Variants in DOCK2 observed in about 807,000 individuals in gnomAD.
DOCK2 encodes dedicator of cytokinesis protein 2.
Under a neutral mutation model 248.9 loss-of-function variants are expected in DOCK2, and 87 were observed. The ratio of observed to expected loss-of-function variants is 0.35; its 90% CI spans 0.29 to 0.42. The LOEUF (loss-of-function observed/expected upper bound fraction) is 0.42. DOCK2 is among the 10% of genes least tolerant of loss of function. The pLI is 1.00. For synonymous variants in DOCK2, 805 were observed against 821.6 expected (o/e 0.98, Z 0.35); for missense variants, 1,747 against 2,300.2 (o/e 0.76, Z 4.92).
chr5:169,667,577 T>A (rs1286586609), intron 2 of DOCK2, among the ~76,000 whole-genome samples: 1 of 152,210 alleles, frequency 6.6e-6, no homozygotes, highest in East Asian at 1.9e-4. Context: ...AGGAGGTTGT[T>A]GTAGCACAGC....
chr5:169,766,806 C>T (rs1764821510), intron 25 of DOCK2, among the ~76,000 whole-genome samples: 2 of 152,172 alleles, frequency 1.3e-5, no homozygotes, highest in African/African-American at 4.8e-5. Flanking sequence ...TTGCTCTTGT[C>T]ACCCAGGCTG....
chr5:169,874,086 A>C (rs961214472), intron 27 of DOCK2, among the ~76,000 whole-genome samples: 1 of 151,104 alleles, frequency 6.6e-6, no homozygotes, highest in African/African-American at 2.4e-5. Context: ...CTGGTCCAGA[A>C]GAATTTATGA....
chr5:169,841,937 G>GT (rs1400958986), intron 27 of DOCK2, among the ~76,000 whole-genome samples: 1 of 152,086 alleles, frequency 6.6e-6, no homozygotes, highest in African/African-American at 2.4e-5. Flanking sequence ...CAGTAAATAC[G>GT]TTTGAATGAA....
At chr5:169,715,278 G>A (rs1229536903) in intron 19 of DOCK2, among the ~76,000 whole-genome samples, 1 of 152,182 alleles carries the variant, frequency 6.6e-6, no homozygotes, top group African/African-American at 2.4e-5. Flanking sequence ...TGGAGATCTT[G>A]TTTCCTTGAT....
intron 32 of DOCK2, among the ~76,000 whole-genome samples, chr5:170,013,969 G>A (rs1454304302): frequency 1.3e-5 from 2 of 152,096 alleles, no homozygotes; most frequent in East Asian, 1.9e-4. Flanking sequence ...CTGTAGAATG[G>A]AAACTTGGGG....
chr5:169,673,616 C>T (rs1454918956), intron 5 of DOCK2, among the ~76,000 whole-genome samples: 1 of 152,122 alleles, frequency 6.6e-6, no homozygotes, highest in Non-Finnish European at 1.5e-5. Flanking sequence ...AAACTCCTGG[C>T]CTCAAGCTAT....
rs1241592969 is a variant in DOCK2, at chr5:170,083,275, G to C, written c.*417G>C. ...AATTTTATTTTAGATTAACAGTTTT[G>C]TACTTTACATTTTTTTATACAACCA... is the stretch of plus-strand genomic sequence containing the variant. On this transcript the variant is annotated 3_prime_UTR_variant, in exon 52 of 52. Coordinates refer to ENST00000520908, the MANE Select transcript of DOCK2 (RefSeq NM_004946.3). The C allele has an allele frequency of 6.4e-6, 1 of 156,976 alleles. No individual in the cohort carries two copies. Among genetic ancestry groups the C allele is most frequent in the Non-Finnish European group, 1.4e-5 (1 of 71,304 alleles). 9.7% of individuals were successfully genotyped at this position (156,976 alleles called of 1,614,324 possible).
At chr5:169,904,271 A>C (rs1318379697) in intron 27 of DOCK2, among the ~76,000 whole-genome samples, 1 of 152,070 alleles carries the variant, frequency 6.6e-6, no homozygotes, top group Non-Finnish European at 1.5e-5. Context: ...ACTTGAAAGC[A>C]AGGAGGGCTT....
At chr5:169,998,825 C>T (rs57557195) in intron 30 of DOCK2, among the ~76,000 whole-genome samples, 5,407 of 152,230 alleles carry the variant, frequency 0.036, 319 homozygotes, top group African/African-American at 0.12. Context: ...ATCTTCGACA[C>T]GGGAACAAAG....
At chr5:169,832,172 T>G (rs2113294584) in intron 26 of DOCK2, among the ~76,000 whole-genome samples, 1 of 152,336 alleles carries the variant, frequency 6.6e-6, no homozygotes, top group South Asian at 2.1e-4. Context: ...TTATAAACAG[T>G]TAAATGAGAT....
intron 26 of DOCK2, among the ~76,000 whole-genome samples, chr5:169,834,707 A>G (rs1379798843): frequency 6.6e-6 from 1 of 151,972 alleles, no homozygotes; most frequent in Non-Finnish European, 1.5e-5. Flanking sequence ...TGTCCCAACC[A>G]GATCACCCTG....
At chr5:169,967,655 A>G (rs887381182) in intron 27 of DOCK2, among the ~76,000 whole-genome samples, 2 of 152,166 alleles carry the variant, frequency 1.3e-5, no homozygotes, top group Non-Finnish European at 2.9e-5. Context: ...CATTATAGAG[A>G]GATCACACTC....
At chr5:169,855,925 G>A (rs1355440280) in intron 27 of DOCK2, among the ~76,000 whole-genome samples, 1 of 152,182 alleles carries the variant, frequency 6.6e-6, no homozygotes, top group African/African-American at 2.4e-5. Context: ...TGGCTGGGGA[G>A]GCCTCAGGAA....
chr5:170,070,164 G>A (rs749000392), intron 46 of DOCK2, among the ~76,000 whole-genome samples: 18 of 152,254 alleles, frequency 1.2e-4, no homozygotes, highest in Non-Finnish European at 1.3e-4. Flanking sequence ...GGTGGGCTCC[G>A]GAGGGCAGGA....
intron 27 of DOCK2, among the ~76,000 whole-genome samples, chr5:169,929,926 A>T (rs1468243025): frequency 6.6e-6 from 1 of 152,158 alleles, no homozygotes; most frequent in Non-Finnish European, 1.5e-5. Flanking sequence ...TGCATATTAA[A>T]CATATTAAAC....
At chr5:170,016,015 G>C (rs1021914732) in intron 32 of DOCK2, among the ~76,000 whole-genome samples, 1 of 151,982 alleles carries the variant, frequency 6.6e-6, no homozygotes, top group Admixed American at 6.6e-5. Flanking sequence ...GTCCACTCCT[G>C]GGAGGAGTGA....
intron 9 of DOCK2, among the ~76,000 whole-genome samples, chr5:169,693,898 G>C (rs528502392): frequency 6.6e-6 from 1 of 152,190 alleles, no homozygotes; most frequent in Non-Finnish European, 1.5e-5. Context: ...CAGCTGGTTG[G>C]ATGAGGCCCA....
intron 25 of DOCK2, among the ~76,000 whole-genome samples, chr5:169,765,062 C>T (rs1270208776): frequency 1.8e-5 from 2 of 110,892 alleles, no homozygotes; most frequent in Admixed American, 9.2e-5. Flanking sequence ...CCTCAGGGCT[C>T]TTTTAGCGCA....
rs115284542 is a variant in DOCK2 at position 169,852,848 on chromosome 5, C to T, written c.2799+11996C>T. Among the ~76,000 whole-genome samples, 1,364 of 152,270 alleles carry T rather than the reference C, an allele frequency of 9.0e-3. 30 individuals are homozygous for T. The highest frequency in any genetic ancestry group is 0.032 in the African/African-American group (1,315 of 41,540). On this transcript the variant is annotated intron_variant, in intron 27 of 51. Transcript: ENST00000520908. Reference sequence around the variant, plus strand: ...CTGTGAAGAAAGCCTCTGTGAAATACAATAAGGCACACTGTGTCTGCTGTG... The same window carrying T: ...CTGTGAAGAAAGCCTCTGTGAAATATAATAAGGCACACTGTGTCTGCTGTG...
Sources: gnomAD v4.1 joint callset for allele counts (sites outside exome capture counted in the v4.1 genomes callset) on GRCh38, gnomAD v4.1.1 for gene constraint, MANE v1.5 for transcripts, NCBI Gene and HGNC (gene_info 2026-07-23, HGNC 2026-07-21) for gene names.